CENATAC: variants seen among roughly 807,000 people sequenced by gnomAD.
CENATAC encodes the protein centrosomal AT-AC splicing factor.
CENATAC carries 53 observed loss-of-function variants against 53.7 expected under a neutral mutation model. That is an observed-to-expected ratio of 0.99 (90% CI 0.79 to 1.24). The LOEUF is 1.24. CENATAC is among the 50% of genes most tolerant of loss of function. CENATAC has a pLI of 0.00. For synonymous variants in CENATAC, 156 were observed against 144.6 expected (o/e 1.08, Z -0.57); for missense variants, 474 against 417.8 (o/e 1.13, Z -1.17).
rs1943083796 is a variant in CENATAC at position 119,014,974 on chromosome 11, A to AAAAG, written c.716-20_716-19insAAAG. 1.3e-5 allele frequency: 19 copies of AAAAG among 1,459,370 alleles called. No homozygotes were observed. The highest frequency in any genetic ancestry group is 4.2e-5 in the Admixed American group (2 of 47,586). The allele number at this position is 1,459,370 out of a possible 1,614,324, so 90.4% of individuals were successfully genotyped here. On this transcript the variant is annotated intron_variant, in intron 8 of 10. Transcript: ENST00000334418. ...CTGAAGACTTAAAAAAAAAAAAAAAAGCCTTAATTTTTTTTTCAGGTGCCA... is the reference window on the plus strand; with the variant it reads ...CTGAAGACTTAAAAAAAAAAAAAAAAAAAGGCCTTAATTTTTTTTTCAGGTGCCA...
intron 3 of CENATAC, among the ~76,000 whole-genome samples, chr11:119,000,650 G>GGAGGTTGAGACAGGAGAA (rs1489559847): frequency 2.0e-5 from 3 of 151,998 alleles, no homozygotes; most frequent in Admixed American, 6.6e-5. Context: ...CAGATACTCA[G>GGAGGTTGAGACAGGAGAA]GAGGTTGAGA....
At chr11:119,015,474 C>CA (rs1437501710) in intron 10 of CENATAC, 35 bp downstream of exon 10, 7 of 1,613,678 alleles carry the variant, frequency 4.3e-6, no homozygotes, top group Non-Finnish European at 5.1e-6. Context: ...CCAACCTACC[C>CA]ATCCAACCTC....
At chr11:119,012,278 A>G (rs782764898) in intron 7 of CENATAC, 24 bp downstream of exon 7, 1 of 1,612,648 alleles carries the variant, frequency 6.2e-7, no homozygotes, top group Non-Finnish European at 8.5e-7. Flanking sequence ...GCAAGCCAGA[A>G]GAGGGCCAAT....
intron 3 of CENATAC, among the ~76,000 whole-genome samples, chr11:119,005,305 A>G (rs782121204): frequency 4.6e-5 from 7 of 151,714 alleles, no homozygotes; most frequent in Non-Finnish European, 1.0e-4. Context: ...TCTCTACTAA[A>G]TATACAAAAA....
At chr11:119,002,757 G>A (rs1056035392) in intron 3 of CENATAC, among the ~76,000 whole-genome samples, 2 of 149,710 alleles carry the variant, frequency 1.3e-5, no homozygotes, top group East Asian at 2.0e-4. Flanking sequence ...TCTCCCATGC[G>A]AAATTTTGTA....
chr11:119,008,257 G>A (rs906623562), intron 3 of CENATAC, among the ~76,000 whole-genome samples: 4 of 152,172 alleles, frequency 2.6e-5, no homozygotes, highest in Non-Finnish European at 4.4e-5. Context: ...CACCGGCACC[G>A]GCCTCTGAGT....
intron 2 of CENATAC, 117 bp from the exon 3 acceptor site, chr11:118,998,894 C>G (rs1284275562): frequency 1.3e-6 from 1 of 778,062 alleles, no homozygotes; most frequent in Non-Finnish European, 2.1e-6. Flanking sequence ...GTGTTCCTCT[C>G]TCAGCCGTGC....
chr11:119,003,555 C>T, intron 3 of CENATAC: 2 of 313,108 alleles, frequency 6.4e-6, no homozygotes, highest in South Asian at 2.9e-5. Context: ...ACCTTGGCTT[C>T]CCAAAGTGCT....
chr11:119,009,054 T>C (rs183791971), intron 3 of CENATAC, among the ~76,000 whole-genome samples: 62 of 152,322 alleles, frequency 4.1e-4, no homozygotes, highest in Admixed American at 2.1e-3. Flanking sequence ...TACAGGTCTT[T>C]TTCAAAATGG....
chr11:119,010,854 A>G, intron 4 of CENATAC, 24 bp downstream of exon 4: 1 of 1,607,798 alleles, frequency 6.2e-7, no homozygotes, highest in East Asian at 2.2e-5. Flanking sequence ...GCAGTCCCTC[A>G]CCCTTTTTGC....
intron 3 of CENATAC, chr11:118,999,390 G>A: frequency 3.3e-6 from 1 of 301,056 alleles, no homozygotes; most frequent in South Asian, 6.5e-5. Context: ...GTTAGAAGAG[G>A]CTGTTTATAG....
At chr11:119,004,164 A>G (rs1410593590) in intron 3 of CENATAC, among the ~76,000 whole-genome samples, 2 of 152,030 alleles carry the variant, frequency 1.3e-5, no homozygotes, top group Non-Finnish European at 2.9e-5. Context: ...TTCATTCTTT[A>G]TAGTTTTCTA....
Position 119,014,974 on chromosome 11 carries a change from A to AAAAAT in CENATAC, c.716-20_716-19insAAAAT. On this transcript the variant is annotated intron_variant, in intron 8 of 10. Coordinates refer to ENST00000334418, the MANE Select transcript of CENATAC (RefSeq NM_198489.3). ...CTGAAGACTTAAAAAAAAAAAAAAA[A>AAAAAT]GCCTTAATTTTTTTTTCAGGTGCCA... The AAAAAT allele has an allele frequency of 5.5e-6, 8 of 1,459,468 alleles. No individual in the cohort carries two copies. The highest frequency in any genetic ancestry group is 7.5e-6 in the Non-Finnish European group (8 of 1,065,866). The allele number at this position is 1,459,468 out of a possible 1,614,324, so 90.4% of individuals were successfully genotyped here. A position where few individuals can be genotyped will look rare whatever the true frequency, so the allele number is the denominator to read the frequency against.
chr11:119,011,439 T>G, intron 5 of CENATAC, 156 bp downstream of exon 5: 1 of 607,642 alleles, frequency 1.6e-6, no homozygotes, highest in Non-Finnish European at 2.8e-6. Flanking sequence ...AGTGGCACGA[T>G]CTCGGCTCAC....
intron 8 of CENATAC, 34 bp downstream of exon 8, chr11:119,013,296 G>A (rs374790849): frequency 2.4e-5 from 37 of 1,571,016 alleles, no homozygotes; most frequent in Non-Finnish European, 2.9e-5. Context: ...AAAACCCTGG[G>A]AGATTTTTTT....
intron 3 of CENATAC, among the ~76,000 whole-genome samples, chr11:119,008,337 GATA>G (rs1942703754): frequency 6.6e-6 from 1 of 152,192 alleles, no homozygotes; most frequent in Non-Finnish European, 1.5e-5. Flanking sequence ...ACAGCAGGGT[GATA>G]ATAAGGAGAA....
At position 118,999,315 on chromosome 11, in the gene CENATAC, T is replaced by C. The variant is rs1942172918; in HGVS notation, c.383+206T>C. ...TAGTTGGGGGATAGGATTTAGCAAATAGAGAACAATACTAAAAGTTGACTG... is the reference window on the plus strand; with the variant it reads ...TAGTTGGGGGATAGGATTTAGCAAACAGAGAACAATACTAAAAGTTGACTG... On this transcript the variant is annotated intron_variant, in intron 3 of 10. Transcript: ENST00000334418. 44 of 517,024 alleles carry C rather than the reference T, an allele frequency of 8.5e-5. 1 individual carries two copies. In the South Asian group the frequency reaches 1.2e-3, roughly 14 times the overall value. 32.0% of individuals were successfully genotyped at this position (517,024 alleles called of 1,614,324 possible). A position where few individuals can be genotyped will look rare whatever the true frequency, so the allele number is the denominator to read the frequency against.
At position 119,015,014 on chromosome 11, in the gene CENATAC, A is replaced by T. The variant is rs782018753; in HGVS notation, c.736A>T (p.Ile246Phe). The part of the protein sequence containing the change: ...IHSGATPPWM[I>F]QDEEYIAGNQ... The stretch of plus-strand genomic sequence containing the variant: ...TTCAGGTGCCACACCTCCCTGGATG[A>T]TCCAAGATGAAGAATACATTGCTGG... Residue 246 changes from isoleucine to phenylalanine, a missense_variant, in exon 9 of 11, where the codon ATC becomes TTC. Coordinates refer to ENST00000334418, the MANE Select transcript of CENATAC (RefSeq NM_198489.3). The T allele has an allele frequency of 1.9e-6, 3 of 1,603,698 alleles. No homozygotes were observed. In the East Asian group the frequency reaches 6.7e-5, roughly 36 times the overall value.
chr11:119,012,857 G>A (rs1233541549), intron 7 of CENATAC: 2 of 197,166 alleles, frequency 1.0e-5, no homozygotes, highest in African/African-American at 4.7e-5. Context: ...AGGCTTATCT[G>A]AACAGGTTAT....
Sources: allele counts gnomAD v4.1 joint callset (sites outside exome capture counted in the v4.1 genomes callset), GRCh38; gene constraint gnomAD v4.1.1; transcripts MANE v1.5; gene names NCBI Gene and HGNC (gene_info 2026-07-23, HGNC 2026-07-21).